SND1: variants seen among roughly 807,000 people sequenced by gnomAD.
The protein encoded by SND1 is staphylococcal nuclease domain-containing protein 1.
In SND1, 38 loss-of-function variants were observed where a neutral mutation model predicts 121.7. The observed-to-expected ratio is 0.31, with a 90% confidence interval of 0.24 to 0.41. SND1 has a LOEUF of 0.41. Among genes scored for constraint, SND1 ranks in the 10% least tolerant of loss-of-function variants. The probability of loss-of-function intolerance (pLI) is 1.00; values close to 1 mark genes in which losing one functional copy is unlikely to be tolerated. For missense variants in SND1, 868 were observed against 1,184.6 expected (o/e 0.73, Z 3.92); for synonymous variants, 401 against 447.4 (o/e 0.90, Z 1.31).
chr7:127,739,874 G>T (rs1442083546), intron 10 of SND1, among the ~76,000 whole-genome samples: 1 of 152,220 alleles, frequency 6.6e-6, no homozygotes, highest in Non-Finnish European at 1.5e-5. Flanking sequence ...GATGAGAGTG[G>T]TCTCTGATAT....
intron 10 of SND1, among the ~76,000 whole-genome samples, chr7:127,756,297 G>T (rs1797193538): frequency 6.6e-6 from 1 of 152,094 alleles, no homozygotes. Context: ...TTATAAACTT[G>T]ATAATTTAAG....
chr7:127,892,133 A>G (rs950883242), intron 13 of SND1, among the ~76,000 whole-genome samples: 1 of 152,054 alleles, frequency 6.6e-6, no homozygotes, highest in Non-Finnish European at 1.5e-5. Flanking sequence ...TCAGAGAAAC[A>G]TTGTAAGCTT....
intron 10 of SND1, among the ~76,000 whole-genome samples, chr7:127,728,932 T>C (rs1268001229): frequency 6.6e-6 from 1 of 152,084 alleles, no homozygotes; most frequent in African/African-American, 2.4e-5. Context: ...TGCTTCCTAA[T>C]TGGATTGCTT....
At chr7:128,079,752 T>C (rs1056510658) in intron 17 of SND1, among the ~76,000 whole-genome samples, 3 of 152,236 alleles carry the variant, frequency 2.0e-5, no homozygotes, top group Non-Finnish European at 2.9e-5. Flanking sequence ...TCCTGAGGAA[T>C]CTGCATTTCA....
At chr7:127,958,734 CCTG>C (rs1801658570) in intron 15 of SND1, among the ~76,000 whole-genome samples, 1 of 152,176 alleles carries the variant, frequency 6.6e-6, no homozygotes, top group African/African-American at 2.4e-5. Context: ...GTGGGGCTCT[CCTG>C]CTTTCCCCGC....
chr7:127,673,582 G>A (rs1795563681), intron 1 of SND1, among the ~76,000 whole-genome samples: 1 of 152,184 alleles, frequency 6.6e-6, no homozygotes, highest in Admixed American at 6.5e-5. Flanking sequence ...AAAGTCCTGG[G>A]ATTACAGGCG....
intron 12 of SND1, among the ~76,000 whole-genome samples, chr7:127,872,258 A>G (rs1228922773): frequency 1.3e-5 from 2 of 152,214 alleles, no homozygotes; most frequent in Non-Finnish European, 2.9e-5. Flanking sequence ...TGAAGCAGCT[A>G]TAGAGAGAGC....
intron 11 of SND1, among the ~76,000 whole-genome samples, chr7:127,833,280 T>A (rs1243648537): frequency 2.0e-5 from 3 of 149,052 alleles, no homozygotes; most frequent in African/African-American, 5.0e-5. Flanking sequence ...TTTTTTTTTT[T>A]AATGAGATGG....
intron 4 of SND1, among the ~76,000 whole-genome samples, chr7:127,700,264 A>G (rs1188854957): frequency 6.6e-6 from 1 of 152,176 alleles, no homozygotes; most frequent in African/African-American, 2.4e-5. Context: ...TGTTTGGTTC[A>G]ATCTCTTACA....
At chr7:127,902,284 C>G (rs1048168450) in intron 13 of SND1, among the ~76,000 whole-genome samples, 4 of 152,146 alleles carry the variant, frequency 2.6e-5, no homozygotes. Context: ...TTTGGTTGTC[C>G]TTGTTGTTAA....
At position 127,998,027 on chromosome 7, in the gene SND1, C is replaced by T. The variant is rs149572941; in HGVS notation, c.1779+6971C>T. Reference sequence around the variant, plus strand: ...TATGACCCAAGTCTCTCCCCACTAGCTTGTAAGCTCCTCACAGACAGGAAC... The same window carrying T: ...TATGACCCAAGTCTCTCCCCACTAGTTTGTAAGCTCCTCACAGACAGGAAC... On this transcript the variant is annotated intron_variant, in intron 16 of 23. Coordinates refer to ENST00000354725, the MANE Select transcript of SND1 (RefSeq NM_014390.4). 3.5e-5 allele frequency: 18 copies of T among 520,744 alleles called. 1 individual carries two copies. Among genetic ancestry groups the T allele is most frequent in the Admixed American group, 1.4e-4 (7 of 51,298 alleles). 32.3% of individuals were successfully genotyped at this position (520,744 alleles called of 1,614,324 possible).
intron 10 of SND1, among the ~76,000 whole-genome samples, chr7:127,792,475 A>G (rs1460802438): frequency 6.6e-6 from 1 of 152,212 alleles, no homozygotes; most frequent in African/African-American, 2.4e-5. Flanking sequence ...AATTTAAGAG[A>G]TGATTAGCTA....
At chr7:127,698,250 A>G (rs1442997397) in intron 3 of SND1, among the ~76,000 whole-genome samples, 1 of 152,200 alleles carries the variant, frequency 6.6e-6, no homozygotes, top group African/African-American at 2.4e-5. Context: ...AGAGAATAGG[A>G]CATCCCTGAG....
intron 10 of SND1, among the ~76,000 whole-genome samples, chr7:127,791,311 A>T (rs1797906464): frequency 6.6e-6 from 1 of 150,882 alleles, no homozygotes; most frequent in South Asian, 2.1e-4. Context: ...ACCACACCCA[A>T]CTAATTTCTG....
intron 11 of SND1, among the ~76,000 whole-genome samples, chr7:127,829,802 A>G (rs1034006960): frequency 6.6e-6 from 1 of 152,234 alleles, no homozygotes; most frequent in Non-Finnish European, 1.5e-5. Flanking sequence ...AAAAGACTGC[A>G]TATTATATGA....
intron 1 of SND1, among the ~76,000 whole-genome samples, chr7:127,659,422 A>G (rs1306843851): frequency 6.6e-6 from 1 of 152,198 alleles, no homozygotes; most frequent in Non-Finnish European, 1.5e-5. Context: ...TTTTGATGTC[A>G]TTTTCAGATG....
chr7:127,968,359 G>A (rs1240630163), intron 15 of SND1, among the ~76,000 whole-genome samples: 4 of 152,156 alleles, frequency 2.6e-5, no homozygotes, highest in East Asian at 3.9e-4. Flanking sequence ...AGTCTGTGTT[G>A]TCTGATATAT....
intron 10 of SND1, among the ~76,000 whole-genome samples, chr7:127,775,529 T>C (rs1045229996): frequency 3.9e-5 from 6 of 152,172 alleles, no homozygotes; most frequent in Admixed American, 6.5e-5. Flanking sequence ...TTCTGGAAAT[T>C]GCTAGATGGG....
chr7:127,937,596 A>G lies in SND1; in HGVS notation c.1669+8267A>G, dbSNP rs1347751121. On this transcript the variant is annotated intron_variant, in intron 15 of 23. Coordinates refer to ENST00000354725, the MANE Select transcript of SND1 (RefSeq NM_014390.4). The stretch of plus-strand genomic sequence containing the variant: ...TTGATAAATGGTGGTGGGCTTGTGC[A>G]TGGTGAACTAAAGGTTTGGCTGTGT... Among the ~76,000 whole-genome samples the G allele has an allele frequency of 2.0e-5, 3 of 152,160 alleles. No individual in the cohort carries two copies. The East Asian group carries it at 5.8e-4, about 29-fold the overall frequency.
Sources: gnomAD v4.1 joint callset for allele counts (sites outside exome capture counted in the v4.1 genomes callset) on GRCh38, gnomAD v4.1.1 for gene constraint, MANE v1.5 for transcripts, NCBI Gene and HGNC (gene_info 2026-07-23, HGNC 2026-07-21) for gene names.